The following PFKFB3 variants were observed in gnomAD, a reference collection of about 807,000 sequenced individuals.
The protein encoded by PFKFB3 is 6-phosphofructo-2-kinase/fructose-2,6-bisphosphatase 3.
In PFKFB3, 33 loss-of-function variants were observed where a neutral mutation model predicts 68.0. That is an observed-to-expected ratio of 0.49 (90% CI 0.37 to 0.65). The LOEUF (loss-of-function observed/expected upper bound fraction) is 0.65, where lower values mean the gene tolerates loss of function less well. Ranked by LOEUF, PFKFB3 falls within the 30% of genes least tolerant of loss-of-function variation. The pLI is 0.00. For missense variants in PFKFB3, 586 were observed against 712.2 expected, an observed-to-expected ratio of 0.82 and a Z score of 2.02; for synonymous variants, 315 against 288.2, an observed-to-expected ratio of 1.09 and a Z score of -0.94.
chr10:6,305,939 C>T, the PFKFB3 span, among the ~76,000 whole-genome samples: 1 of 152,180 alleles, frequency 6.6e-6, no homozygotes, highest in Non-Finnish European at 1.5e-5. Context: ...GTTTTTTTCC[C>T]CTTCTCCCCA....
Position 6,177,421 on chromosome 10 carries a change from C to CTT in PFKFB3, c.16+32409_16+32410dup, listed in dbSNP as rs1564599778. On this transcript the variant is annotated intron_variant, in intron 1 of 14. Coordinates refer to the PFKFB3 transcript ENST00000379789. ...CTTTCTTTCTTTCTTCTTTCTCTTT[C>CTT]TTCCTTTCTTTTCTTTCTCTTTCTT... 3.0e-3 allele frequency among the ~76,000 whole-genome samples: 237 copies of CTT among 78,944 alleles called. 9 individuals carry two copies. Among genetic ancestry groups the CTT allele is most frequent in the East Asian group, 0.023 (57 of 2,492 alleles). The allele number at this position is 78,944 out of a possible 152,430, so 51.8% of individuals were successfully genotyped here.
At chr10:6,272,859 C>T in the PFKFB3 span, among the ~76,000 whole-genome samples, 25,634 of 151,962 alleles carry the variant, frequency 0.17, 2,381 homozygotes, top group Middle Eastern at 0.21. Context: ...AGGAGGCAGG[C>T]TTTATTTCAG....
intron 1 of PFKFB3, among the ~76,000 whole-genome samples, chr10:6,172,317 A>T (rs759836203): frequency 9.2e-5 from 14 of 152,208 alleles, no homozygotes; most frequent in Non-Finnish European, 2.1e-4. Flanking sequence ...TTTGGAGCAG[A>T]GGAGGCAGAG....
rs1845849537 is a variant in PFKFB3 at position 6,233,173 on chromosome 10, C to T, written c.*231C>T. On this transcript the variant is annotated 3_prime_UTR_variant, in exon 15 of 15. Transcript: ENST00000379775. ...GCCCTGCCTTTAGCCGTGGGGCCCC[C>T]ACCTCCACTCTCTGGGTTTCCTAGG... The T allele has an allele frequency of 9.4e-6, 5 of 531,630 alleles. No individual in the cohort carries two copies. The Admixed American group carries it at 1.6e-4, about 17-fold the overall frequency. 32.9% of individuals were successfully genotyped at this position (531,630 alleles called of 1,614,324 possible).
intron 1 of PFKFB3, among the ~76,000 whole-genome samples, chr10:6,186,635 A>C (rs646564): frequency 0.42 from 63,567 of 151,986 alleles, 14,824 homozygotes; most frequent in Non-Finnish European, 0.55. Flanking sequence ...TCTGGCTGCA[A>C]AGTGTAGTAT....
chr10:6,200,113 C>T (rs531691330), upstream of PFKFB3, among the ~76,000 whole-genome samples: 4 of 152,306 alleles, frequency 2.6e-5, no homozygotes, highest in African/African-American at 4.8e-5. Flanking sequence ...GGTTCCTTGA[C>T]TACTCTAATC....
chr10:6,276,654 TAA>T, the PFKFB3 span, among the ~76,000 whole-genome samples: 15 of 151,868 alleles, frequency 9.9e-5, no homozygotes, highest in African/African-American at 3.1e-4. Flanking sequence ...GTAATTCAAT[TAA>T]AAAAAAATTG....
At chr10:6,294,427 G>A in the PFKFB3 span, among the ~76,000 whole-genome samples, 4 of 152,176 alleles carry the variant, frequency 2.6e-5, no homozygotes, top group Non-Finnish European at 5.9e-5. Context: ...ATGGCAGCAG[G>A]CAAGAGAGCG....
chr10:6,181,641 G>C (rs555058914), intron 1 of PFKFB3, among the ~76,000 whole-genome samples: 2 of 151,940 alleles, frequency 1.3e-5, no homozygotes. Flanking sequence ...GAAACATAGC[G>C]AGGCCTCACT....
chr10:6,227,328 C>T (rs921233291), intron 14 of PFKFB3, among the ~76,000 whole-genome samples: 1 of 152,178 alleles, frequency 6.6e-6, no homozygotes, highest in Non-Finnish European at 1.5e-5. Context: ...TCCAGGCCTG[C>T]CCCCACAAAT....
chr10:6,226,701 C>T (rs996286547), intron 14 of PFKFB3, among the ~76,000 whole-genome samples: 7 of 152,140 alleles, frequency 4.6e-5, no homozygotes, highest in Non-Finnish European at 7.4e-5. Context: ...GTCCAAGACC[C>T]GTTCACGTTC....
In PFKFB3 at chr10:6,171,389, GTTCT is replaced by G. The variant is rs202234912; in HGVS notation, c.16+26387_16+26390del. Among the ~76,000 whole-genome samples, 609 of 150,278 alleles carry G rather than the reference GTTCT, an allele frequency of 4.1e-3. 2 individuals are homozygous for G. The highest frequency in any genetic ancestry group is 6.3e-3 in the Non-Finnish European group (428 of 67,582). On this transcript the variant is annotated intron_variant, in intron 1 of 14. Transcript: ENST00000379789. ...TATTTTTAACTCATCTTTTAAAATT[GTTCT>G]TTCTTTCTTTTTTTTTTTTTTGGAG...
At chr10:6,213,938 C>T (rs1243831330) in intron 2 of PFKFB3, among the ~76,000 whole-genome samples, 190 bp downstream of exon 2, 1 of 151,420 alleles carries the variant, frequency 6.6e-6, no homozygotes, top group African/African-American at 2.4e-5. Flanking sequence ...TTGGGGTTTT[C>T]TCCTCACTGG....
intron 1 of PFKFB3, chr10:6,146,154 T>A: frequency 1.2e-6 from 1 of 860,750 alleles, no homozygotes; most frequent in Non-Finnish European, 1.4e-6. Flanking sequence ...GGGGGGAGCC[T>A]GGCCTCCCCT....
chr10:6,244,240 C>T (rs1303684541), intron 14 of PFKFB3, among the ~76,000 whole-genome samples: 1 of 152,184 alleles, frequency 6.6e-6, no homozygotes, highest in East Asian at 1.9e-4. Flanking sequence ...GAAGAGCAGA[C>T]ATCAACTCGC....
the PFKFB3 span, among the ~76,000 whole-genome samples, chr10:6,268,841 G>A: frequency 6.6e-6 from 1 of 151,338 alleles, no homozygotes; most frequent in Non-Finnish European, 1.5e-5. Context: ...AGGCAACTTG[G>A]CAAAACCCTG....
downstream of PFKFB3, among the ~76,000 whole-genome samples, chr10:6,237,540 C>T (rs1846043632): frequency 6.6e-6 from 1 of 152,206 alleles, no homozygotes; most frequent in Non-Finnish European, 1.5e-5. Context: ...TGTGAGTTTT[C>T]AAAATCTGAA....
At chr10:6,303,536 C>T in the PFKFB3 span, among the ~76,000 whole-genome samples, 2 of 152,016 alleles carry the variant, frequency 1.3e-5, no homozygotes, top group African/African-American at 4.8e-5. Context: ...AAATCAATGC[C>T]GGGCACGGTG....
In PFKFB3 at chr10:6,217,108, C is replaced by T. The variant is rs749405939; in HGVS notation, c.442-27C>T. On this transcript the variant is annotated intron_variant, in intron 5 of 14. Coordinates refer to ENST00000379775, the MANE Select transcript of PFKFB3 (RefSeq NM_004566.4). ...GTTGATCCTTCGTGGTGTTTGTTTT[C>T]TAACATCCCCACCTCACTTCCACCA... 3.7e-6 allele frequency: 6 copies of T among 1,612,414 alleles called. No homozygotes were observed. In the South Asian group the frequency reaches 6.6e-5, roughly 18 times the overall value.
Sources: gnomAD v4.1 joint callset for allele counts (sites outside exome capture counted in the v4.1 genomes callset) on GRCh38, gnomAD v4.1.1 for gene constraint, MANE v1.5 for transcripts, NCBI Gene and HGNC (gene_info 2026-07-23, HGNC 2026-07-21) for gene names.